Variants in GSDMC observed in about 807,000 individuals in gnomAD.
The protein encoded by GSDMC is gasdermin-C.
Under a neutral mutation model 58.0 loss-of-function variants are expected in GSDMC, and 59 were observed. The ratio of observed to expected loss-of-function variants is 1.02; its 90% CI spans 0.82 to 1.26. GSDMC has a LOEUF of 1.26. Ranked by LOEUF, GSDMC falls within the 50% of genes most tolerant of loss-of-function variation. The probability of loss-of-function intolerance (pLI) is 0.00; values close to 1 mark genes in which losing one functional copy is unlikely to be tolerated. For synonymous variants in GSDMC, 241 were observed against 220.2 expected (o/e 1.09, Z -0.83); for missense variants, 659 against 598.5 (o/e 1.10, Z -1.06).
At chr8:129,749,312 G>T (rs1211676367) in intron 13 of GSDMC, 140 bp downstream of exon 13, 2 of 641,514 alleles carry the variant, frequency 3.1e-6, no homozygotes, top group South Asian at 1.8e-5. Flanking sequence ...TGCAGCCAAG[G>T]ATTCCCCAGT....
At chr8:129,778,333 C>A (rs2034308312) in intron 1 of GSDMC, among the ~76,000 whole-genome samples, 1 of 151,998 alleles carries the variant, frequency 6.6e-6, no homozygotes, top group Non-Finnish European at 1.5e-5. Flanking sequence ...GGTGAAGGCC[C>A]AAGATTGCAG....
At chr8:129,769,918 A>T (rs2033993593) in intron 3 of GSDMC, among the ~76,000 whole-genome samples, 1 of 152,214 alleles carries the variant, frequency 6.6e-6, no homozygotes, top group African/African-American at 2.4e-5. Flanking sequence ...TTGAAATGAA[A>T]ATATGTTAAT....
rs1459563371 is a variant in GSDMC at position 129,748,696 on chromosome 8, A to T, written c.1332T>A (p.Ile444=). The change falls in exon 14 of 14, where the codon ATT becomes ATA. Residue 444 remains isoleucine (I), a synonymous_variant. Coordinates refer to ENST00000276708, the MANE Select transcript of GSDMC (RefSeq NM_031415.3). ...LEPNFRYPWS[I]PFTLKPELLA... ...GGAGCTCAGGTTTGAGGGTGAAGGG[A>T]ATGCTCCAGGGGTATCTGAAGTTTG... 5 of 1,596,838 alleles carry T rather than the reference A, an allele frequency of 3.1e-6. No individual in the cohort carries two copies. The highest frequency in any genetic ancestry group is 4.3e-6 in the Non-Finnish European group (5 of 1,172,142).
the GSDMC span, among the ~76,000 whole-genome samples, chr8:129,732,536 C>A: frequency 1.3e-5 from 2 of 152,234 alleles, no homozygotes; most frequent in Admixed American, 1.3e-4. Flanking sequence ...AGTGACACCA[C>A]CAAATGATCA....
the GSDMC span, among the ~76,000 whole-genome samples, chr8:129,730,928 A>T: frequency 6.6e-6 from 1 of 152,216 alleles, no homozygotes; most frequent in Non-Finnish European, 1.5e-5. Flanking sequence ...ACGCTTCTTT[A>T]CAGTAAGTAG....
chr8:129,784,455 G>A (rs143045155), intron 1 of GSDMC, among the ~76,000 whole-genome samples: 2,167 of 151,964 alleles, frequency 0.014, 61 homozygotes, highest in African/African-American at 0.049. Context: ...ACATTTCTCA[G>A]AGGAATACAT....
the GSDMC span, among the ~76,000 whole-genome samples, chr8:129,728,363 G>A: frequency 3.3e-5 from 5 of 152,096 alleles, no homozygotes; most frequent in Non-Finnish European, 7.4e-5. Context: ...GGATCTCCGG[G>A]CATCTGGAGC....
chr8:129,753,609 A>G (rs1298218443), intron 6 of GSDMC, among the ~76,000 whole-genome samples: 3 of 152,194 alleles, frequency 2.0e-5, no homozygotes, highest in Non-Finnish European at 2.9e-5. Context: ...GTTTGAGAAA[A>G]GCAGAGGGAA....
chr8:129,761,847 G>A (rs1229292844), intron 5 of GSDMC, among the ~76,000 whole-genome samples: 1 of 152,210 alleles, frequency 6.6e-6, no homozygotes, highest in Non-Finnish European at 1.5e-5. Flanking sequence ...TATGGCCACT[G>A]ATGGGAGGTA....
At chr8:129,719,734 C>T in the GSDMC span, among the ~76,000 whole-genome samples, 89 of 152,178 alleles carry the variant, frequency 5.8e-4, 2 homozygotes, top group South Asian at 0.011. Flanking sequence ...CACTTGAGGC[C>T]GGGAATTTGA....
chr8:129,713,778 C>A, the GSDMC span, among the ~76,000 whole-genome samples: 5 of 152,080 alleles, frequency 3.3e-5, no homozygotes, highest in Non-Finnish European at 7.4e-5. Context: ...AAGGAGTGAG[C>A]GGCCAGGCAC....
At chr8:129,710,604 C>T in the GSDMC span, among the ~76,000 whole-genome samples, 2 of 152,150 alleles carry the variant, frequency 1.3e-5, no homozygotes, top group South Asian at 2.1e-4. Flanking sequence ...AATTCAAATA[C>T]CTGACTTTGT....
At chr8:129,735,560 G>A in the GSDMC span, among the ~76,000 whole-genome samples, 1 of 152,044 alleles carries the variant, frequency 6.6e-6, no homozygotes, top group Non-Finnish European at 1.5e-5. Flanking sequence ...ATGACTACTG[G>A]GTAAACAACA....
chr8:129,726,540 T>C, the GSDMC span, among the ~76,000 whole-genome samples: 20 of 152,288 alleles, frequency 1.3e-4, no homozygotes, highest in East Asian at 3.9e-3. Context: ...ATATTACTAG[T>C]CACTGTCATT....
chr8:129,721,509 A>T, the GSDMC span, among the ~76,000 whole-genome samples: 23 of 152,206 alleles, frequency 1.5e-4, no homozygotes, highest in African/African-American at 5.3e-4. Flanking sequence ...TTTTAGTGTT[A>T]AAGACTTGAT....
the GSDMC span, among the ~76,000 whole-genome samples, chr8:129,736,547 A>G: frequency 6.6e-6 from 1 of 152,226 alleles, no homozygotes; most frequent in Non-Finnish European, 1.5e-5. Context: ...ACACATGATT[A>G]TCTCAATAGA....
chr8:129,758,973 G>A (rs2033550769), intron 6 of GSDMC, among the ~76,000 whole-genome samples: 1 of 152,098 alleles, frequency 6.6e-6, no homozygotes, highest in Non-Finnish European at 1.5e-5. Flanking sequence ...AAACTGCAGA[G>A]CTATAGTAAC....
chr8:129,726,532 A>G, the GSDMC span, among the ~76,000 whole-genome samples: 1 of 152,190 alleles, frequency 6.6e-6, no homozygotes. Context: ...CTAGAAAAAT[A>G]TTACTAGTCA....
Position 129,750,049 on chromosome 8 carries a change from G to T in GSDMC, c.1154C>A (p.Ser385Ter), listed in dbSNP as rs758413625. ...CTTTGGGTTAAACCATGCATGGTTTGAATCCTGTTGAAGTTTCTTTAGGAT... is the reference window on the plus strand; with the variant it reads ...CTTTGGGTTAAACCATGCATGGTTTTAATCCTGTTGAAGTTTCTTTAGGAT... ...GAILKKLQQD[S>*]NHAWFNPKDP... The change falls in exon 12 of 14, where the codon TCA becomes TAA. Residue 385 changes from serine to a stop codon, truncating the protein, a stop_gained. Transcript: ENST00000276708. LOFTEE classifies it high-confidence loss of function. 7 of 1,608,038 alleles carry T rather than the reference G, an allele frequency of 4.4e-6. No homozygotes were observed. Among genetic ancestry groups the T allele is most frequent in the Non-Finnish European group, 3.4e-6 (4 of 1,175,888 alleles).
Sources: gnomAD v4.1 joint callset for allele counts (sites outside exome capture counted in the v4.1 genomes callset) on GRCh38, gnomAD v4.1.1 for gene constraint, MANE v1.5 for transcripts, NCBI Gene and HGNC (gene_info 2026-07-23, HGNC 2026-07-21) for gene names.